The following KIAA1217 variants were observed in gnomAD, a reference collection of about 807,000 sequenced individuals.
KIAA1217 encodes KIAA1217, also known as sickle tail protein homolog.
KIAA1217 carries 88 observed loss-of-function variants against 163.9 expected under a neutral mutation model. The ratio of observed to expected loss-of-function variants is 0.54; its 90% CI spans 0.45 to 0.64. The LOEUF is 0.64. KIAA1217 is among the 30% of genes least tolerant of loss of function. The pLI is 0.00. For missense variants in KIAA1217, 2,372 were observed against 2,475.0 expected (o/e 0.96, Z 0.88); for synonymous variants, 903 against 923.1 (o/e 0.98, Z 0.39).
At chr10:24,082,401 C>G (rs2061566528) in intron 2 of KIAA1217, among the ~76,000 whole-genome samples, 1 of 152,032 alleles carries the variant, frequency 6.6e-6, no homozygotes, top group South Asian at 2.1e-4. Context: ...TCCCCCAAAC[C>G]CCCACCCCTA....
chr10:24,207,178 C>A (rs960613704), upstream of KIAA1217, among the ~76,000 whole-genome samples: 1 of 152,002 alleles, frequency 6.6e-6, no homozygotes, highest in African/African-American at 2.4e-5. Flanking sequence ...TAAGCACGGG[C>A]TCTCTGGACA....
intron 2 of KIAA1217, among the ~76,000 whole-genome samples, chr10:24,033,642 C>T (rs1848278638): frequency 1.3e-5 from 2 of 152,144 alleles, no homozygotes; most frequent in African/African-American, 4.8e-5. Context: ...AGAGTTCACC[C>T]ATCTAGACAC....
At position 24,088,759 on chromosome 10, in the gene KIAA1217, A is replaced by G. The variant is rs1252500412; in HGVS notation, c.-171+81385A>G. 4.0e-5 allele frequency among the ~76,000 whole-genome samples: 5 copies of G among 124,006 alleles called. 1 individual carries two copies. Among genetic ancestry groups the G allele is most frequent in the East Asian group, 2.0e-4 (1 of 5,124 alleles). 81.4% of individuals were successfully genotyped at this position (124,006 alleles called of 152,430 possible). On this transcript the variant is annotated intron_variant, in intron 2 of 18. Transcript: ENST00000376462. ...TGAATAGTCCGCATTAAACATACGT[A>G]TGCATGTGTCTTTATAGCAGCATGA...
chr10:23,858,531 T>C (rs1311354330), intron 1 of KIAA1217, among the ~76,000 whole-genome samples: 2 of 152,098 alleles, frequency 1.3e-5, no homozygotes, highest in African/African-American at 4.8e-5. Context: ...CACATGTCTA[T>C]AGCAGATATC....
intron 2 of KIAA1217, among the ~76,000 whole-genome samples, chr10:24,258,891 C>T (rs1005106899): frequency 6.6e-6 from 1 of 152,162 alleles, no homozygotes; most frequent in Admixed American, 6.5e-5. Flanking sequence ...CCGCGCCCGG[C>T]CGGCTTACAT....
At chr10:24,304,461 T>A (rs970503415) in intron 2 of KIAA1217, among the ~76,000 whole-genome samples, 3 of 152,110 alleles carry the variant, frequency 2.0e-5, no homozygotes, top group Non-Finnish European at 4.4e-5. Flanking sequence ...TGTCTCAGCC[T>A]CCAAAGTAAC....
chr10:24,337,590 TTTTTCTTTTC>T (rs774132476), intron 2 of KIAA1217, among the ~76,000 whole-genome samples: 4,162 of 134,390 alleles, frequency 0.031, 153 homozygotes, highest in Middle Eastern at 0.057. Context: ...TTGTGTGGTT[TTTTTCTTTTC>T]TTTTCTTTTC....
intron 1 of KIAA1217, among the ~76,000 whole-genome samples, chr10:23,799,040 A>G (rs948290683): frequency 6.6e-6 from 1 of 152,118 alleles, no homozygotes; most frequent in Non-Finnish European, 1.5e-5. Context: ...CCTCTTTCCC[A>G]GCTTCTGGTG....
At chr10:23,972,389 A>G (rs1021655117) in intron 1 of KIAA1217, among the ~76,000 whole-genome samples, 12 of 152,002 alleles carry the variant, frequency 7.9e-5, no homozygotes, top group African/African-American at 2.7e-4. Context: ...TAGACTGGAT[A>G]AAGAAAATAT....
At chr10:23,986,056 T>C (rs1437802791) in intron 1 of KIAA1217, among the ~76,000 whole-genome samples, 1 of 152,230 alleles carries the variant, frequency 6.6e-6, no homozygotes, top group Admixed American at 6.5e-5. Flanking sequence ...GTTTAATGTA[T>C]TGTTATCCCC....
At position 24,361,306 on chromosome 10, in the gene KIAA1217, G is replaced by A. The variant is rs191716461; in HGVS notation, c.355-19563G>A. 3.1e-3 allele frequency among the ~76,000 whole-genome samples: 466 copies of A among 152,136 alleles called. 1 individual carries two copies. Among genetic ancestry groups the A allele is most frequent in the African/African-American group, 0.011 (443 of 41,532 alleles). ...AGGCTCAGGTAATCCTCCCACCTCA[G>A]CCTCCCAAGTAGTTGGTACTGCAGG... is the stretch of plus-strand genomic sequence containing the variant. On this transcript the variant is annotated intron_variant, in intron 2 of 20. Transcript: ENST00000376454.
At chr10:24,514,420 A>C (rs1336413854) in intron 10 of KIAA1217, among the ~76,000 whole-genome samples, 1 of 152,180 alleles carries the variant, frequency 6.6e-6, no homozygotes, top group African/African-American at 2.4e-5. Flanking sequence ...CCTGGATGCC[A>C]ACCTAATGTG....
chr10:23,983,708 T>C (rs1488562837), intron 1 of KIAA1217, among the ~76,000 whole-genome samples: 2 of 152,164 alleles, frequency 1.3e-5, no homozygotes, highest in African/African-American at 4.8e-5. Context: ...AGATCACTAG[T>C]AGACAGTGGC....
chr10:23,859,471 T>C (rs1229661976), intron 1 of KIAA1217, among the ~76,000 whole-genome samples: 4 of 152,228 alleles, frequency 2.6e-5, no homozygotes, highest in Non-Finnish European at 5.9e-5. Context: ...TTTGGTGTCA[T>C]ATTTTGCAAA....
At chr10:24,295,362 C>A (rs1322735885) in intron 2 of KIAA1217, among the ~76,000 whole-genome samples, 1 of 152,132 alleles carries the variant, frequency 6.6e-6, no homozygotes, top group Non-Finnish European at 1.5e-5. Context: ...CAAGTAAGAT[C>A]CAATATGGGA....
intron 2 of KIAA1217, among the ~76,000 whole-genome samples, chr10:24,355,768 A>T (rs2049021252): frequency 3.4e-4 from 4 of 11,794 alleles, no homozygotes; most frequent in South Asian, 5.0e-3. Flanking sequence ...TTTTTTTTTG[A>T]GACAGAGTCT....
chr10:23,767,867 G>A (rs140751836), intron 1 of KIAA1217, among the ~76,000 whole-genome samples: 79 of 152,284 alleles, frequency 5.2e-4, no homozygotes, highest in African/African-American at 1.2e-3. Context: ...AACCCAGAGC[G>A]TAGGGTGTAA....
intron 2 of KIAA1217, among the ~76,000 whole-genome samples, chr10:24,302,899 C>T (rs1000443302): frequency 1.3e-5 from 2 of 152,090 alleles, no homozygotes; most frequent in Non-Finnish European, 2.9e-5. Flanking sequence ...AGGATGGCTA[C>T]ATGGGACTGA....
intron 3 of KIAA1217, among the ~76,000 whole-genome samples, chr10:24,428,859 A>AT (rs961755650): frequency 7.0e-6 from 1 of 142,898 alleles, no homozygotes; most frequent in African/African-American, 2.7e-5. Context: ...CTCTTTAAAG[A>AT]TAAAAAAAAA....
Sources: allele counts gnomAD v4.1 joint callset (sites outside exome capture counted in the v4.1 genomes callset), GRCh38; gene constraint gnomAD v4.1.1; transcripts MANE v1.5; gene names NCBI Gene and HGNC (gene_info 2026-07-23, HGNC 2026-07-21).